Variants in DENND1A observed in about 807,000 individuals in gnomAD.
DENND1A encodes DENN domain containing 1A.
In DENND1A, 51 loss-of-function variants were observed where a neutral mutation model predicts 113.7. That is an observed-to-expected ratio of 0.45 (90% CI 0.36 to 0.57). The LOEUF (loss-of-function observed/expected upper bound fraction) is 0.57, where lower values mean the gene tolerates loss of function less well. DENND1A is among the 20% of genes least tolerant of loss of function. The pLI, the probability that DENND1A is intolerant of heterozygous loss-of-function variation, is 0.00. For missense variants in DENND1A, 1,258 were observed against 1,395.9 expected (o/e 0.90, Z 1.57); for synonymous variants, 565 against 570.8 (o/e 0.99, Z 0.14).
chr9:123,709,753 C>T (rs1288133956), intron 5 of DENND1A, among the ~76,000 whole-genome samples: 1 of 152,190 alleles, frequency 6.6e-6, no homozygotes, highest in African/African-American at 2.4e-5. Context: ...AAACTAGCCA[C>T]ACTCATGAAA....
chr9:123,490,562 C>T (rs188448460), intron 13 of DENND1A, among the ~76,000 whole-genome samples: 5 of 152,034 alleles, frequency 3.3e-5, no homozygotes, highest in East Asian at 1.9e-4. Context: ...GCACTCCAGC[C>T]TGGGTGACAT....
chr9:123,711,105 A>G (rs562522734), intron 5 of DENND1A, among the ~76,000 whole-genome samples: 4 of 152,304 alleles, frequency 2.6e-5, no homozygotes, highest in African/African-American at 9.6e-5. Context: ...TAGCTATTCT[A>G]CAATATATAC....
chr9:123,823,192 A>C (rs192545675), intron 2 of DENND1A, among the ~76,000 whole-genome samples: 2 of 152,358 alleles, frequency 1.3e-5, no homozygotes, highest in African/African-American at 4.8e-5. Context: ...GTAAACGCAA[A>C]AAAGAAAAAG....
chr9:123,384,602 G>A (rs142174208), intron 22 of DENND1A, among the ~76,000 whole-genome samples: 1 of 152,368 alleles, frequency 6.6e-6, no homozygotes, highest in Non-Finnish European at 1.5e-5. Context: ...GAGCACGGCT[G>A]TCACACAGGC....
At chr9:123,477,607 G>T (rs2133585123) in intron 13 of DENND1A, among the ~76,000 whole-genome samples, 1 of 151,914 alleles carries the variant, frequency 6.6e-6, no homozygotes, top group South Asian at 2.1e-4. Context: ...GGTGGCTGGG[G>T]GATAGCATTA....
intron 19 of DENND1A, among the ~76,000 whole-genome samples, chr9:123,424,979 T>C (rs2131909162): frequency 6.6e-6 from 1 of 152,326 alleles, no homozygotes; most frequent in South Asian, 2.1e-4. Context: ...CCGCAGGCAC[T>C]ACCTGGCTCT....
intron 8 of DENND1A, among the ~76,000 whole-genome samples, chr9:123,658,898 G>T (rs1589552381): frequency 6.6e-6 from 1 of 152,306 alleles, no homozygotes; most frequent in East Asian, 1.9e-4. Flanking sequence ...GGCAGAGAGA[G>T]CCACGGAGCC....
chr9:123,554,929 C>A (rs1050804727), intron 13 of DENND1A, among the ~76,000 whole-genome samples: 3 of 152,212 alleles, frequency 2.0e-5, no homozygotes, highest in Non-Finnish European at 4.4e-5. Context: ...GCCATTAAAA[C>A]TATCATAAGA....
chr9:123,576,424 G>A (rs527714571), intron 12 of DENND1A, among the ~76,000 whole-genome samples: 13 of 152,046 alleles, frequency 8.6e-5, no homozygotes, highest in South Asian at 4.2e-4. Context: ...ATTTTTCCCC[G>A]CTGAAGAACT....
At chr9:123,763,475 A>C (rs1284688893) in intron 4 of DENND1A, among the ~76,000 whole-genome samples, 1 of 152,216 alleles carries the variant, frequency 6.6e-6, no homozygotes, top group Non-Finnish European at 1.5e-5. Flanking sequence ...AAGTCTGAGA[A>C]GCCTGTAAAA....
chr9:123,587,040 A>G (rs1458135043), intron 11 of DENND1A, among the ~76,000 whole-genome samples: 1 of 151,610 alleles, frequency 6.6e-6, no homozygotes, highest in African/African-American at 2.4e-5. Context: ...ATAGACACAC[A>G]CGAGATAGTG....
chr9:123,579,858 C>G (rs747939928), intron 12 of DENND1A, among the ~76,000 whole-genome samples: 1 of 152,136 alleles, frequency 6.6e-6, no homozygotes, highest in African/African-American at 2.4e-5. Flanking sequence ...ACCTTACAGA[C>G]CACATCTCCC....
chr9:123,672,632 G>A (rs2063823578), intron 6 of DENND1A, among the ~76,000 whole-genome samples: 2 of 152,100 alleles, frequency 1.3e-5, no homozygotes, highest in Admixed American at 1.3e-4. Context: ...ATGAATTAAT[G>A]CCATTATTGT....
rs551786037 is a variant in DENND1A at position 123,895,904 on chromosome 9, A to C, written c.18-16883T>G. Among the ~76,000 whole-genome samples the C allele has an allele frequency of 3.9e-5, 6 of 152,282 alleles. No individual in the cohort carries two copies. The South Asian group carries it at 1.2e-3, about 32-fold the overall frequency. On this transcript the variant is annotated intron_variant, in intron 1 of 23. Transcript: ENST00000394215. ...AAGAAACCCATCCACACACATACAC[A>C]TCTCAGGAACTGTCATAAAAACCAC...
intron 5 of DENND1A, among the ~76,000 whole-genome samples, chr9:123,750,080 T>A (rs2069876567): frequency 6.6e-6 from 1 of 152,210 alleles, no homozygotes; most frequent in Non-Finnish European, 1.5e-5. Flanking sequence ...TGAGGCTGGC[T>A]GCTTGTTCCA....
At chr9:123,617,857 A>G (rs1447892672) in intron 10 of DENND1A, among the ~76,000 whole-genome samples, 1 of 152,230 alleles carries the variant, frequency 6.6e-6, no homozygotes, top group African/African-American at 2.4e-5. Context: ...ACATGAATGA[A>G]TGAGCCACAA....
intron 5 of DENND1A, chr9:123,736,603 A>T (rs2068583865): frequency 6.6e-6 from 1 of 152,264 alleles, no homozygotes; most frequent in African/African-American, 2.4e-5. Context: ...ACTGCCATGC[A>T]TTAGCAAGAC....
At chr9:123,695,855 C>T (rs1012283033) in intron 5 of DENND1A, among the ~76,000 whole-genome samples, 5 of 151,860 alleles carry the variant, frequency 3.3e-5, no homozygotes, top group East Asian at 1.9e-4. Context: ...GAAATGGTCA[C>T]ATTAGAAGAT....
At chr9:123,621,183 T>TA (rs2060942870) in intron 10 of DENND1A, among the ~76,000 whole-genome samples, 1 of 149,956 alleles carries the variant, frequency 6.7e-6, no homozygotes, top group African/African-American at 2.5e-5. Context: ...CAGTTGAAAT[T>TA]CTTTTTTTTT....
Sources: allele counts gnomAD v4.1 joint callset (sites outside exome capture counted in the v4.1 genomes callset), GRCh38; gene constraint gnomAD v4.1.1; transcripts MANE v1.5; gene names NCBI Gene and HGNC (gene_info 2026-07-23, HGNC 2026-07-21).